The following COPG2 variants were observed in gnomAD, a reference collection of about 807,000 sequenced individuals.
COPG2 encodes the protein coatomer subunit gamma-2.
A neutral mutation model predicts 46.3 loss-of-function variants in COPG2; 37 were observed. The ratio of observed to expected loss-of-function variants is 0.80; its 90% confidence interval spans 0.61 to 1.05. The LOEUF (loss-of-function observed/expected upper bound fraction) is 1.05, where lower values mean the gene tolerates loss of function less well. Among genes scored for constraint, COPG2 ranks in the 50% least tolerant of loss-of-function variants. COPG2 has a pLI of 0.00. For synonymous variants in COPG2, 159 were observed against 129.7 expected (o/e 1.23, Z -1.53); for missense variants, 427 against 387.8 (o/e 1.10, Z -0.85).
chr7:130,548,959 T>C (rs1439134921), intron 18 of COPG2, among the ~76,000 whole-genome samples: 2 of 151,704 alleles, frequency 1.3e-5, no homozygotes, highest in South Asian at 2.1e-4. Context: ...TTACTAATAG[T>C]TGAACATTCA....
At chr7:130,545,573 G>A (rs1202995475) in intron 20 of COPG2, among the ~76,000 whole-genome samples, 5 of 152,110 alleles carry the variant, frequency 3.3e-5, no homozygotes, top group African/African-American at 7.2e-5. Flanking sequence ...ATTGGCCATG[G>A]ATTAAAAATT....
intron 20 of COPG2, among the ~76,000 whole-genome samples, chr7:130,515,949 G>A (rs1318539490): frequency 6.6e-6 from 1 of 151,994 alleles, no homozygotes; most frequent in Non-Finnish European, 1.5e-5. Flanking sequence ...TTGAGGTTAT[G>A]AGGGGTCACT....
intron 5 of COPG2, among the ~76,000 whole-genome samples, chr7:130,619,614 A>G (rs549892666): frequency 6.6e-6 from 1 of 152,196 alleles, no homozygotes; most frequent in Admixed American, 6.5e-5. Flanking sequence ...CCCTACTTCT[A>G]TAATTGAATA....
intron 9 of COPG2, among the ~76,000 whole-genome samples, chr7:130,577,131 A>C (rs1434509515): frequency 6.6e-6 from 1 of 152,238 alleles, no homozygotes; most frequent in African/African-American, 2.4e-5. Flanking sequence ...AAAAATTACC[A>C]ACAAAAAAAA....
At chr7:130,532,456 G>A (rs1217783541) in intron 20 of COPG2, among the ~76,000 whole-genome samples, 1 of 151,964 alleles carries the variant, frequency 6.6e-6, no homozygotes, top group Non-Finnish European at 1.5e-5. Flanking sequence ...GGAGGGAGGA[G>A]GCAGGAGGAG....
intron 4 of COPG2, among the ~76,000 whole-genome samples, chr7:130,659,393 A>G (rs947712912): frequency 2.0e-5 from 3 of 151,340 alleles, no homozygotes; most frequent in Non-Finnish European, 4.4e-5. Context: ...TTATCTAGAA[A>G]TTCCACTTGT....
In COPG2 at chr7:130,507,799, A is replaced by G. The variant is rs1474625478; in HGVS notation, c.2272T>C (p.Ser758Pro). The G allele has an allele frequency of 2.6e-6, 2 of 780,468 alleles. No homozygotes were observed. The highest frequency in any genetic ancestry group is 3.4e-5 in the African/African-American group (2 of 59,092). The allele number at this position is 780,468 out of a possible 1,614,324, so 48.3% of individuals were successfully genotyped here. Residue 758 changes from serine (S) to proline (P), a missense_variant, in exon 22 of 24, where the codon TCT (serine) becomes CCT (proline). By Grantham distance (74) the Ser-to-Pro change is moderately conservative (BLOSUM62 -1). Transcript: ENST00000425248. ...TTCAGTACTTTCTGAATATGGTCAG[A>G]CACAGTCACTTCGAGATCTTCCAGC... ...YVLEDLEVTV[S>P]DHIQKVLKPN...
At chr7:130,649,747 C>T (rs1307795825) in intron 5 of COPG2, among the ~76,000 whole-genome samples, 2 of 152,122 alleles carry the variant, frequency 1.3e-5, no homozygotes, top group Non-Finnish European at 2.9e-5. Context: ...GCAATCTAGG[C>T]GTTTTCTATC....
At chr7:130,513,308 A>AAAAAAATATATATAT (rs1236511164) in intron 20 of COPG2, among the ~76,000 whole-genome samples, 2 of 55,686 alleles carry the variant, frequency 3.6e-5, no homozygotes, top group South Asian at 7.0e-4. Context: ...AAAAAAAAAA[A>AAAAAAATATATATAT]ATATATATAT....
chr7:130,613,487 T>A (rs1335420910), intron 7 of COPG2, 57 bp downstream of exon 7: 1 of 1,021,108 alleles, frequency 9.8e-7, no homozygotes, highest in Non-Finnish European at 1.5e-6. Flanking sequence ...GATACTTTGT[T>A]TTCGCAACTC....
intron 9 of COPG2, among the ~76,000 whole-genome samples, chr7:130,599,218 C>A (rs1297948562): frequency 3.9e-5 from 6 of 152,138 alleles, no homozygotes; most frequent in Admixed American, 6.5e-5. Flanking sequence ...ACTGGGTGGT[C>A]ACCTGAGTAT....
chr7:130,520,118 A>G (rs1444383209), intron 20 of COPG2, among the ~76,000 whole-genome samples: 2 of 152,252 alleles, frequency 1.3e-5, no homozygotes, highest in African/African-American at 4.8e-5. Context: ...TGATAAGGTT[A>G]ACATCCAGAG....
intron 20 of COPG2, among the ~76,000 whole-genome samples, chr7:130,525,447 G>A (rs1424326476): frequency 2.0e-5 from 3 of 152,194 alleles, no homozygotes; most frequent in African/African-American, 7.2e-5. Flanking sequence ...TAGCATCACT[G>A]CATGGTAAGA....
chr7:130,615,335 G>T (rs1405377088), intron 6 of COPG2, among the ~76,000 whole-genome samples: 1 of 152,170 alleles, frequency 6.6e-6, no homozygotes, highest in Non-Finnish European at 1.5e-5. Context: ...TATGAGGAGT[G>T]TGGATCTTGA....
chr7:130,654,994 T>C (rs949786808), intron 4 of COPG2, among the ~76,000 whole-genome samples: 1 of 152,218 alleles, frequency 6.6e-6, no homozygotes, highest in Non-Finnish European at 1.5e-5. Context: ...TTGTTATGCC[T>C]TTCTTTACAA....
At chr7:130,636,001 T>C (rs1795329760) in intron 5 of COPG2, among the ~76,000 whole-genome samples, 1 of 152,220 alleles carries the variant, frequency 6.6e-6, no homozygotes, top group Non-Finnish European at 1.5e-5. Context: ...AGTTTCCATG[T>C]AGTTGTATGG....
rs115301239 is a variant in COPG2, at chr7:130,613,484, T to C, written c.492+60A>G. 1,279 of 967,396 alleles carry C rather than the reference T, an allele frequency of 1.3e-3. 19 individuals carry two copies. The African/African-American group carries it at 0.018, about 14-fold the overall frequency. The allele number at this position is 967,396 out of a possible 1,614,324, so 59.9% of individuals were successfully genotyped here. ...TTGTGAGACAATCATAGTGATACTT[T>C]GTTTTCGCAACTCAAAACTGTACCA... On this transcript the variant is annotated intron_variant, in intron 7 of 23. Coordinates refer to ENST00000425248, the MANE Select transcript of COPG2 (RefSeq NM_012133.6).
At chr7:130,577,022 A>G (rs1170236725) in intron 9 of COPG2, among the ~76,000 whole-genome samples, 1 of 152,238 alleles carries the variant, frequency 6.6e-6, no homozygotes, top group African/African-American at 2.4e-5. Flanking sequence ...GAAGAAATGA[A>G]TAAACTGCTG....
chr7:130,509,453 CA>C (rs1302372861), intron 20 of COPG2: 1 of 379,280 alleles, frequency 2.6e-6, no homozygotes, highest in Non-Finnish European at 5.1e-6. Context: ...CTTATAGGTA[CA>C]AAAAATATTA....
Sources: allele counts gnomAD v4.1 joint callset (sites outside exome capture counted in the v4.1 genomes callset), GRCh38; gene constraint gnomAD v4.1.1; transcripts MANE v1.5; gene names NCBI Gene and HGNC (gene_info 2026-07-23, HGNC 2026-07-21).